NRIP1: variants seen among roughly 807,000 people sequenced by gnomAD.
The protein encoded by NRIP1 is nuclear receptor interacting protein 1.
In NRIP1, 28 loss-of-function variants were observed where a neutral mutation model predicts 75.0. That is an observed-to-expected ratio of 0.37 (90% CI 0.28 to 0.51). NRIP1 has a LOEUF of 0.51. Ranked by LOEUF, NRIP1 falls within the 20% of genes least tolerant of loss-of-function variation. NRIP1 has a pLI of 0.92. For missense variants in NRIP1, 1,435 were observed against 1,343.7 expected, an observed-to-expected ratio of 1.07 and a Z score of -1.06; for synonymous variants, 526 against 487.6, an observed-to-expected ratio of 1.08 and a Z score of -1.04.
Position 14,966,871 on chromosome 21 carries a change from A to G in NRIP1, c.1322T>C (p.Ile441Thr). 7 of 1,614,098 alleles carry G rather than the reference A, an allele frequency of 4.3e-6. No homozygotes were observed. The highest frequency in any genetic ancestry group is 5.9e-6 in the Non-Finnish European group (7 of 1,179,982). The stretch of plus-strand genomic sequence containing the variant: ...AGTTCGGTGTTTGCAAGACAAGTCT[A>G]TGGGAACACAGTTGGAATAAGAACT... The part of the protein sequence containing the change: ...DESSYSNCVP[I>T]DLSCKHRTEK... Residue 441 changes from isoleucine to threonine, a missense_variant, in exon 4 of 4, where the codon ATA becomes ACA. Physicochemically the swap from Ile to Thr is moderately conservative, Grantham distance 89. Transcript: ENST00000318948.
At chr21:14,975,896 A>G (rs2087051740) in intron 3 of NRIP1, among the ~76,000 whole-genome samples, 1 of 152,172 alleles carries the variant, frequency 6.6e-6, no homozygotes, top group Non-Finnish European at 1.5e-5. Context: ...TTCCATATGT[A>G]CTTTTGACTT....
chr21:15,042,783 ATCTAT>A (rs1354944767), intron 2 of NRIP1, among the ~76,000 whole-genome samples: 1 of 152,206 alleles, frequency 6.6e-6, no homozygotes, highest in Non-Finnish European at 1.5e-5. Flanking sequence ...TAAGCCTCCC[ATCTAT>A]GGTATTTGTT....
chr21:15,063,330 C>G (rs1364887793), intron 1 of NRIP1, among the ~76,000 whole-genome samples: 1 of 152,216 alleles, frequency 6.6e-6, no homozygotes, highest in Admixed American at 6.5e-5. Context: ...GTGAAAAACA[C>G]TTCAACATAC....
chr21:14,993,333 T>A (rs2087624248), intron 3 of NRIP1, among the ~76,000 whole-genome samples: 2 of 152,020 alleles, frequency 1.3e-5, no homozygotes, highest in South Asian at 2.1e-4. Context: ...ACCACTCCAA[T>A]CCACAAATTG....
intron 3 of NRIP1, among the ~76,000 whole-genome samples, chr21:14,973,119 T>C (rs2086949161): frequency 6.6e-6 from 1 of 152,210 alleles, no homozygotes; most frequent in South Asian, 2.1e-4. Flanking sequence ...TATTAAACAT[T>C]TGCATCACAG....
chr21:15,006,570 A>C (rs922581298), intron 3 of NRIP1, among the ~76,000 whole-genome samples: 1 of 152,244 alleles, frequency 6.6e-6, no homozygotes, highest in East Asian at 1.9e-4. Context: ...TGTCATGATT[A>C]GTTCTAAAGA....
Position 14,965,344 on chromosome 21 carries a change from G to A in NRIP1, c.2849C>T (p.Ser950Phe), listed in dbSNP as rs755429828. 83 of 1,613,888 alleles carry A rather than the reference G, an allele frequency of 5.1e-5. No homozygotes were observed. The highest frequency in any genetic ancestry group is 5.4e-5 in the Non-Finnish European group (64 of 1,179,958). Residue 950 changes from serine to phenylalanine, a missense_variant, in exon 4 of 4, where the codon TCC (serine) becomes TTC (phenylalanine). Physicochemically the swap from Ser to Phe is radical, Grantham distance 155. Transcript: ENST00000318948. ...AGCCACAGAGTTACTTCTGTGCGGGGACAAATCTCGCACACAGTTTTCTGA... is the reference window on the plus strand; with the variant it reads ...AGCCACAGAGTTACTTCTGTGCGGGAACAAATCTCGCACACAGTTTTCTGA... ...LLSENCVRDL[S>F]PHRSNSVADS... is the part of the protein sequence containing the mutation.
intron 3 of NRIP1, among the ~76,000 whole-genome samples, chr21:14,999,011 AAGAG>A (rs371600757): frequency 7.7e-4 from 117 of 151,320 alleles, no homozygotes; most frequent in African/African-American, 2.7e-3. Context: ...CTCTCGTAGA[AAGAG>A]AGAGAGAGAG....
At chr21:14,980,724 C>T (rs2087211369) in intron 3 of NRIP1, among the ~76,000 whole-genome samples, 1 of 151,828 alleles carries the variant, frequency 6.6e-6, no homozygotes, top group Non-Finnish European at 1.5e-5. Flanking sequence ...TCAAGTACCA[C>T]CTGCTGTAGC....
At chr21:15,031,794 G>A (rs1449913128) in intron 2 of NRIP1, among the ~76,000 whole-genome samples, 1 of 148,548 alleles carries the variant, frequency 6.7e-6, no homozygotes, top group African/African-American at 2.5e-5. Flanking sequence ...AAGGCGCTCG[G>A]AGGATCACCA....
At chr21:15,025,600 A>T (rs147382392) in intron 2 of NRIP1, among the ~76,000 whole-genome samples, 108 of 152,276 alleles carry the variant, frequency 7.1e-4, no homozygotes, top group African/African-American at 2.4e-3. Context: ...AAAATGAGTA[A>T]TTTCACAGTA....
At chr21:14,995,580 G>C (rs2087697799) in intron 3 of NRIP1, among the ~76,000 whole-genome samples, 1 of 152,162 alleles carries the variant, frequency 6.6e-6, no homozygotes, top group Middle Eastern at 3.2e-3. Context: ...GGGAGAGTGA[G>C]AGATTTAATT....
At chr21:15,027,276 G>A (rs531462296) in intron 2 of NRIP1, among the ~76,000 whole-genome samples, 1 of 152,190 alleles carries the variant, frequency 6.6e-6, no homozygotes, top group Admixed American at 6.5e-5. Context: ...ATGCTCGATG[G>A]TAGGTTCTTG....
At chr21:14,972,634 C>T (rs568965565) in intron 3 of NRIP1, among the ~76,000 whole-genome samples, 1 of 152,284 alleles carries the variant, frequency 6.6e-6, no homozygotes, top group South Asian at 2.1e-4. Flanking sequence ...AGTCAACACA[C>T]ATTTAATAAT....
At chr21:14,976,827 G>A (rs966190573) in intron 3 of NRIP1, among the ~76,000 whole-genome samples, 5 of 152,226 alleles carry the variant, frequency 3.3e-5, no homozygotes, top group Admixed American at 6.5e-5. Flanking sequence ...TATCTTACTT[G>A]CAATTAAATA....
chr21:14,966,769 A>G lies in NRIP1; in HGVS notation c.1424T>C (p.Val475Ala), dbSNP rs1402164362. 6.2e-7 allele frequency: 1 copy of G among 1,613,976 alleles called. No individual in the cohort carries two copies. The highest frequency in any genetic ancestry group is 1.7e-5 in the Admixed American group (1 of 59,974). ...ATCTTCTTTGATATCTACATCTGGG[A>G]CTTTTGGATCCCAAGTGTTTAGCAA... ...QSLLNTWDPKVPDVDIKEDQD... is the reference protein window; with the variant it reads ...QSLLNTWDPKAPDVDIKEDQD... The change falls in exon 4 of 4, where the codon GTC (valine) becomes GCC (alanine). Residue 475 changes from valine (V) to alanine (A), a missense_variant. Val to Ala is a moderately conservative substitution (Grantham distance 64, BLOSUM62 0). Transcript: ENST00000318948.
chr21:15,050,500 C>T lies in NRIP1; in HGVS notation c.-537-6926G>A, dbSNP rs188476185. ...TTGGAGCCAATTTCTATAACCAAAA[C>T]GTAGTATTTGTGTATCTTTAAATGA... On this transcript the variant is annotated intron_variant, in intron 1 of 3. Transcript: ENST00000318948. 7 of 326,190 alleles carry T rather than the reference C, an allele frequency of 2.1e-5. No individual in the cohort carries two copies. In the East Asian group the frequency reaches 2.5e-4, roughly 11 times the overall value. 20.2% of individuals were successfully genotyped at this position (326,190 alleles called of 1,614,324 possible).
At chr21:15,064,696 G>A (rs1295290964) in intron 1 of NRIP1, 49 bp downstream of exon 1, 1 of 150,234 alleles carries the variant, frequency 6.7e-6, no homozygotes, top group Non-Finnish European at 1.5e-5. Context: ...CGTTTCCGGC[G>A]GCGCCGGCGG....
At chr21:15,004,062 T>C (rs2087910076) in intron 3 of NRIP1, among the ~76,000 whole-genome samples, 1 of 152,178 alleles carries the variant, frequency 6.6e-6, no homozygotes, top group South Asian at 2.1e-4. Context: ...TGTATCTTAA[T>C]ATACACACCT....
Sources: allele counts gnomAD v4.1 joint callset (sites outside exome capture counted in the v4.1 genomes callset), GRCh38; gene constraint gnomAD v4.1.1; transcripts MANE v1.5; gene names NCBI Gene and HGNC (gene_info 2026-07-23, HGNC 2026-07-21).